The following MSRB3 variants were observed in gnomAD, a reference collection of about 807,000 sequenced individuals.
MSRB3 encodes methionine-R-sulfoxide reductase B3.
Under a neutral mutation model 21.0 loss-of-function variants are expected in MSRB3, and 13 were observed. The observed-to-expected ratio is 0.62, with a 90% CI of 0.40 to 0.98. MSRB3 has a LOEUF of 0.98. MSRB3 is among the 50% of genes least tolerant of loss of function. MSRB3 has a pLI of 0.00. For missense variants in MSRB3, 199 were observed against 230.3 expected, an observed-to-expected ratio of 0.86 and a Z score of 0.88; for synonymous variants, 87 against 88.6, an observed-to-expected ratio of 0.98 and a Z score of 0.10.
intron 4 of MSRB3, among the ~76,000 whole-genome samples, chr12:65,365,210 G>T (rs1877940539): frequency 6.6e-6 from 1 of 151,876 alleles, no homozygotes; most frequent in Non-Finnish European, 1.5e-5. Context: ...TAATTCTTAA[G>T]TCTCAGGTGC....
At chr12:65,420,795 C>G (rs1374954597) in intron 5 of MSRB3, among the ~76,000 whole-genome samples, 1 of 152,192 alleles carries the variant, frequency 6.6e-6, no homozygotes, top group African/African-American at 2.4e-5. Context: ...CTGCATATGA[C>G]ATGGTCTTGT....
At chr12:65,321,373 A>G (rs994884802) in intron 2 of MSRB3, among the ~76,000 whole-genome samples, 1 of 152,118 alleles carries the variant, frequency 6.6e-6, no homozygotes, top group African/African-American at 2.4e-5. Flanking sequence ...CTTTGTAAAC[A>G]CTCAACATTT....
At chr12:65,378,185 G>A (rs950683742) in intron 5 of MSRB3, among the ~76,000 whole-genome samples, 1 of 152,060 alleles carries the variant, frequency 6.6e-6, no homozygotes, top group Admixed American at 6.6e-5. Flanking sequence ...AAATATCCCT[G>A]GATAGTTTTT....
At chr12:65,399,569 G>A (rs545978453) in intron 5 of MSRB3, among the ~76,000 whole-genome samples, 215 of 152,190 alleles carry the variant, frequency 1.4e-3, no homozygotes, top group Non-Finnish European at 2.4e-3. Flanking sequence ...TTGACTTTCT[G>A]TCTTCCTATT....
At chr12:65,324,334 G>A (rs555960455) in intron 2 of MSRB3, among the ~76,000 whole-genome samples, 1 of 152,038 alleles carries the variant, frequency 6.6e-6, no homozygotes, top group African/African-American at 2.4e-5. Context: ...CAAATAAGAC[G>A]GAGACTAACA....
rs1473400893 is a variant in MSRB3 at position 65,465,276 on chromosome 12, T to G, written c.*1954T>G. 6.6e-6 allele frequency: 1 copy of G among 152,240 alleles called. No homozygotes were observed. Among genetic ancestry groups the G allele is most frequent in the African/African-American group, 2.4e-5 (1 of 41,472 alleles). The allele number at this position is 152,240 out of a possible 1,614,324, so 9.4% of individuals were successfully genotyped here. ...AAACAATGGTGATGTAAGTCAACAT[T>G]GCTGTAGCCAGGTGTGAAGGTTGTA... On this transcript the variant is annotated 3_prime_UTR_variant, in exon 7 of 7. Transcript: ENST00000308259.
intron 5 of MSRB3, among the ~76,000 whole-genome samples, chr12:65,435,744 G>T (rs1882086066): frequency 6.6e-6 from 1 of 151,828 alleles, no homozygotes; most frequent in African/African-American, 2.4e-5. Context: ...GAAAGGTAAA[G>T]GTCTTGACAT....
At position 65,431,142 on chromosome 12, in the gene MSRB3, T is replaced by C. The variant is rs1263596974; in HGVS notation, c.293-22586T>C. 6.6e-5 allele frequency among the ~76,000 whole-genome samples: 10 copies of C among 152,006 alleles called. 1 individual carries two copies. Among genetic ancestry groups the C allele is most frequent in the Admixed American group, 6.6e-4 (10 of 15,228 alleles). ...TCTGGTGTCTGATTGGAATTTCACG[T>C]CTTTGTAGTTTTAGCTGGACTCTTT... On this transcript the variant is annotated intron_variant, in intron 5 of 6. Coordinates refer to ENST00000308259, the MANE Select transcript of MSRB3 (RefSeq NM_001031679.3).
At chr12:65,338,652 A>G (rs1356354746) in intron 4 of MSRB3, among the ~76,000 whole-genome samples, 1 of 152,242 alleles carries the variant, frequency 6.6e-6, no homozygotes, top group Non-Finnish European at 1.5e-5. Context: ...AAGAACGATT[A>G]AAAATAATGA....
At chr12:65,305,223 A>G (rs571614697) in intron 1 of MSRB3, 9 of 152,126 alleles carry the variant, frequency 5.9e-5, no homozygotes, top group Admixed American at 2.0e-4. Flanking sequence ...GCCCACCACC[A>G]TGCCTGGTTA....
chr12:65,459,583 A>T (rs967502249), intron 6 of MSRB3, among the ~76,000 whole-genome samples: 2 of 152,242 alleles, frequency 1.3e-5, no homozygotes, highest in African/African-American at 4.8e-5. Context: ...ACTACTGGCA[A>T]AGTAAATTGC....
At chr12:65,378,565 C>A (rs1177731331) in intron 5 of MSRB3, among the ~76,000 whole-genome samples, 1 of 152,126 alleles carries the variant, frequency 6.6e-6, no homozygotes, top group South Asian at 2.1e-4. Flanking sequence ...GTAGTACATA[C>A]AGGTTTGTAT....
chr12:65,429,023 C>T (rs1881751003), intron 5 of MSRB3, among the ~76,000 whole-genome samples: 1 of 152,076 alleles, frequency 6.6e-6, no homozygotes, highest in Non-Finnish European at 1.5e-5. Flanking sequence ...ATGGTTGCCT[C>T]TTGTTTTACC....
chr12:65,321,416 C>A (rs1874655515), intron 2 of MSRB3, among the ~76,000 whole-genome samples: 1 of 152,130 alleles, frequency 6.6e-6, no homozygotes, highest in African/African-American at 2.4e-5. Context: ...AATCTTGGAT[C>A]AGTGGTCCTC....
At chr12:65,449,961 T>A (rs1486769536) in intron 5 of MSRB3, among the ~76,000 whole-genome samples, 1 of 152,174 alleles carries the variant, frequency 6.6e-6, no homozygotes, top group Non-Finnish European at 1.5e-5. Context: ...AAGTTTTACT[T>A]ATGAGGCAGT....
At chr12:65,323,073 T>C (rs1874789529) in intron 2 of MSRB3, among the ~76,000 whole-genome samples, 2 of 152,220 alleles carry the variant, frequency 1.3e-5, no homozygotes, top group African/African-American at 4.8e-5. Context: ...TAAAATACAA[T>C]TTTAACCTCA....
intron 2 of MSRB3, among the ~76,000 whole-genome samples, chr12:65,314,933 A>G (rs1448598808): frequency 3.3e-5 from 5 of 152,222 alleles, no homozygotes; most frequent in Non-Finnish European, 7.4e-5. Context: ...ACATATTCAC[A>G]ATAATGTTAT....
At chr12:65,364,252 A>G (rs937889204) in intron 4 of MSRB3, among the ~76,000 whole-genome samples, 1 of 152,296 alleles carries the variant, frequency 6.6e-6, no homozygotes, top group South Asian at 2.1e-4. Context: ...ACTTAGTCAT[A>G]TGGGTACAAC....
At chr12:65,358,237 C>T (rs1456340768) in intron 4 of MSRB3, among the ~76,000 whole-genome samples, 1 of 151,842 alleles carries the variant, frequency 6.6e-6, no homozygotes, top group African/African-American at 2.4e-5. Context: ...TCCACCTCAA[C>T]CCCCCGAGTA....
Sources: gnomAD v4.1 joint callset for allele counts (sites outside exome capture counted in the v4.1 genomes callset) on GRCh38, gnomAD v4.1.1 for gene constraint, MANE v1.5 for transcripts, NCBI Gene and HGNC (gene_info 2026-07-23, HGNC 2026-07-21) for gene names.